The following MGP variants were observed in gnomAD, a reference collection of about 807,000 sequenced individuals.
MGP encodes the protein cell growth-inhibiting gene 36 protein.
MGP carries 13 observed loss-of-function variants against 14.5 expected under a neutral mutation model. That is an observed-to-expected ratio of 0.89 (90% CI 0.58 to 1.42). The LOEUF (loss-of-function observed/expected upper bound fraction) is 1.42, where lower values mean the gene tolerates loss of function less well. Among genes scored for constraint, MGP ranks in the 40% most tolerant of loss-of-function variants. MGP has a pLI of 0.00. For synonymous variants in MGP, 44 were observed against 46.3 expected, an observed-to-expected ratio of 0.95 and a Z score of 0.20; for missense variants, 128 against 133.7, an observed-to-expected ratio of 0.96 and a Z score of 0.21.
intron 2 of MGP, chr12:14,883,707 G>A (rs538562395): frequency 6.2e-6 from 1 of 161,184 alleles, no homozygotes; most frequent in African/African-American, 2.4e-5. Flanking sequence ...GCTGAGGCAT[G>A]AGAATTGCCT....
chr12:14,881,269 C>A lies in MGP; in HGVS notation c.*870G>T, dbSNP rs2120417565. On this transcript the variant is annotated 3_prime_UTR_variant, in exon 4 of 4. Coordinates refer to ENST00000539261, the MANE Select transcript of MGP (RefSeq NM_000900.5). ...GAGTGCATTGGTATGGTCATGGCTA[C>A]TGAGATTACAGGTGTGGCCACTGTG... The A allele has an allele frequency of 6.6e-6, 1 of 152,230 alleles. No individual in the cohort carries two copies. Among genetic ancestry groups the A allele is most frequent in the Non-Finnish European group, 1.5e-5 (1 of 68,028 alleles). The allele number at this position is 152,230 out of a possible 1,614,324, so 9.4% of individuals were successfully genotyped here. A position where few individuals can be genotyped will look rare whatever the true frequency, so the allele number is the denominator to read the frequency against.
intron 2 of MGP, chr12:14,883,947 G>A: frequency 6.1e-6 from 2 of 330,482 alleles, no homozygotes. Context: ...CAGTTGACGT[G>A]GTGCCAATTT....
chr12:14,884,870 C>G, intron 1 of MGP: 1 of 1,535,270 alleles, frequency 6.5e-7, no homozygotes, highest in Non-Finnish European at 8.7e-7. Flanking sequence ...CCGAAGTTTT[C>G]TTCTTTCTGC....
intron 2 of MGP, 189 bp from the exon 3 acceptor site, chr12:14,883,236 A>C: frequency 1.7e-6 from 1 of 584,952 alleles, no homozygotes; most frequent in Non-Finnish European, 3.1e-6. Flanking sequence ...GAAATCAGTA[A>C]TCAATCCATG....
intron 2 of MGP, 62 bp downstream of exon 2, chr12:14,884,151 A>G (rs900174529): frequency 6.3e-5 from 81 of 1,293,540 alleles, no homozygotes; most frequent in Non-Finnish European, 8.1e-5. Flanking sequence ...TTGTTTATTT[A>G]AAAATAAGAA....
chr12:14,884,925 T>C lies in MGP; in HGVS notation c.62-680A>G, dbSNP rs1863423126. 1.0e-5 allele frequency: 15 copies of C among 1,497,174 alleles called. No homozygotes were observed. In the South Asian group the frequency reaches 1.5e-4, roughly 15 times the overall value. 92.7% of individuals were successfully genotyped at this position (1,497,174 alleles called of 1,614,324 possible). ...GATAAATTTTGGAATAAGAAGCTTC[T>C]ATTAATATTTGCCAGCAAGTGAATT... On this transcript the variant is annotated intron_variant, in intron 1 of 3. Transcript: ENST00000539261.
chr12:14,884,920 G>T, intron 1 of MGP: 1 of 1,509,452 alleles, frequency 6.6e-7, no homozygotes, highest in Non-Finnish European at 8.8e-7. Flanking sequence ...GGAATAAGAA[G>T]CTTCTATTAA....
Position 14,882,012 on chromosome 12 carries a change from G to T in MGP, c.*127C>A. The T allele has an allele frequency of 8.0e-7, 1 of 1,256,742 alleles. No individual in the cohort carries two copies. Among genetic ancestry groups the T allele is most frequent in the Non-Finnish European group, 1.1e-6 (1 of 871,420 alleles). The allele number at this position is 1,256,742 out of a possible 1,614,324, so 77.8% of individuals were successfully genotyped here. A position where few individuals can be genotyped will look rare whatever the true frequency, so the allele number is the denominator to read the frequency against. On this transcript the variant is annotated 3_prime_UTR_variant, in exon 4 of 4. Transcript: ENST00000539261. ...GGGGCGGGAAAAAGGGGTGCAGCCA[G>T]ACAAGAGAATATACAGGAAAGAAGC...
chr12:14,885,016 AGAGT>A (rs1386756826), intron 1 of MGP: 2 of 624,170 alleles, frequency 3.2e-6, no homozygotes, highest in Admixed American at 3.0e-5. Flanking sequence ...TGTGAATACA[AGAGT>A]GAGAAGCATA....
chr12:14,884,300 G>A, intron 1 of MGP, 55 bp from the exon 2 acceptor site: 2 of 1,169,264 alleles, frequency 1.7e-6, no homozygotes, highest in Non-Finnish European at 2.4e-6. Flanking sequence ...GATTCATTAT[G>A]TTATTATTTA....
At chr12:14,885,416 A>G (rs1265557057) in intron 1 of MGP, among the ~76,000 whole-genome samples, 8 of 152,238 alleles carry the variant, frequency 5.3e-5, no homozygotes, top group Admixed American at 3.3e-4. Context: ...CTAAATAAAT[A>G]TCCTTAAAAA....
chr12:14,884,728 G>T, intron 1 of MGP: 1 of 1,246,404 alleles, frequency 8.0e-7, no homozygotes, highest in Non-Finnish European at 1.1e-6. Context: ...ACTAGGGCAG[G>T]TTTCTAAGAG....
chr12:14,883,329 T>G (rs964923178), intron 2 of MGP: 10 of 402,450 alleles, frequency 2.5e-5, no homozygotes, highest in Non-Finnish European at 4.2e-5. Flanking sequence ...GTATTTCTAC[T>G]TGGTAGATTT....
chr12:14,885,693 A>G (rs1863430973), intron 1 of MGP, 38 bp downstream of exon 1: 1 of 1,568,026 alleles, frequency 6.4e-7, no homozygotes, highest in African/African-American at 1.4e-5. Flanking sequence ...TCAGAGGCAG[A>G]AAAGTAAACA....
At chr12:14,885,302 T>C (rs766987236) in intron 1 of MGP, among the ~76,000 whole-genome samples, 1 of 152,224 alleles carries the variant, frequency 6.6e-6, no homozygotes, top group African/African-American at 2.4e-5. Flanking sequence ...GTTCATGAGA[T>C]TGTCCAGTCC....
At chr12:14,884,573 C>T (rs1270262991) in intron 1 of MGP, among the ~76,000 whole-genome samples, 1 of 152,154 alleles carries the variant, frequency 6.6e-6, no homozygotes, top group African/African-American at 2.4e-5. Flanking sequence ...ACTTTAAGTG[C>T]TGTACAGAAG....
At chr12:14,883,930 A>C (rs2120439286) in intron 2 of MGP, 2 of 287,044 alleles carry the variant, frequency 7.0e-6, no homozygotes, top group Non-Finnish European at 1.3e-5. Context: ...CTCGTTTTCC[A>C]TCTGTGCAGT....
intron 3 of MGP, 123 bp downstream of exon 3, chr12:14,882,849 T>G: frequency 1.4e-6 from 1 of 725,852 alleles, no homozygotes; most frequent in African/African-American, 1.8e-5. Context: ...CTTTTAAGTT[T>G]TTTGATTTTA....
chr12:14,884,989 C>T (rs1043027577), intron 1 of MGP: 3 of 939,174 alleles, frequency 3.2e-6, no homozygotes, highest in African/African-American at 3.3e-5. Flanking sequence ...AAATCAAATC[C>T]TCTAATACAG....
Sources: allele counts gnomAD v4.1 joint callset (sites outside exome capture counted in the v4.1 genomes callset), GRCh38; gene constraint gnomAD v4.1.1; transcripts MANE v1.5; gene names NCBI Gene and HGNC (gene_info 2026-07-23, HGNC 2026-07-21).